DOCK1: variants seen among roughly 807,000 people sequenced by gnomAD.
DOCK1 encodes dedicator of cytokinesis 1.
Under a neutral mutation model 262.7 loss-of-function variants are expected in DOCK1, and 138 were observed. That is an observed-to-expected ratio of 0.53 (90% CI 0.46 to 0.61). DOCK1 has a LOEUF of 0.61. Ranked by LOEUF, DOCK1 falls within the 20% of genes least tolerant of loss-of-function variation. The pLI, the probability that DOCK1 is intolerant of heterozygous loss-of-function variation, is 0.00. For synonymous variants in DOCK1, 866 were observed against 867.4 expected (o/e 1.00, Z 0.03); for missense variants, 1,908 against 2,370.7 (o/e 0.80, Z 4.05).
Position 127,176,102 on chromosome 10 carries a change from G to C in DOCK1, c.2847+48338G>C. On this transcript the variant is annotated intron_variant, in intron 27 of 51. Coordinates refer to ENST00000623213, the MANE Select transcript of DOCK1 (RefSeq NM_001290223.2). The surrounding 1 kb of genome is among the most constrained non-coding windows in gnomAD (Gnocchi z 4.4). ...TCTGCACGCCTGTGCTCTTGGTGAC[G>C]TTGGGGATGGACCTGCGTGCGGGCA... 1 of 1,614,166 alleles carries C rather than the reference G, an allele frequency of 6.2e-7. No individual in the cohort carries two copies. The highest frequency in any genetic ancestry group is 8.5e-7 in the Non-Finnish European group (1 of 1,180,042).
chr10:127,443,009 T>G (rs1565096212), intron 49 of DOCK1, among the ~76,000 whole-genome samples: 1 of 152,118 alleles, frequency 6.6e-6, no homozygotes, highest in Non-Finnish European at 1.5e-5. Context: ...AAACTCATTG[T>G]CTCCCAGTTC....
At chr10:126,945,472 GGA>G (rs1246507350) in intron 1 of DOCK1, among the ~76,000 whole-genome samples, 4,195 of 149,452 alleles carry the variant, frequency 0.028, 74 homozygotes, top group Non-Finnish European at 0.044. Context: ...AGAGAGAGAG[GGA>G]GAGAGAGAGA....
intron 23 of DOCK1, among the ~76,000 whole-genome samples, chr10:127,097,899 G>A (rs1211184162): frequency 1.3e-5 from 2 of 152,170 alleles, no homozygotes; most frequent in African/African-American, 2.4e-5. Context: ...TGGTGTATTC[G>A]TACAGTTTCA....
chr10:126,919,437 A>G (rs567627652), intron 1 of DOCK1, among the ~76,000 whole-genome samples: 1 of 152,248 alleles, frequency 6.6e-6, no homozygotes, highest in Non-Finnish European at 1.5e-5. Context: ...AATTTTTCAA[A>G]GGCAGGAATC....
At chr10:126,997,454 C>T (rs910487460) in intron 7 of DOCK1, among the ~76,000 whole-genome samples, 8 of 151,486 alleles carry the variant, frequency 5.3e-5, no homozygotes, top group African/African-American at 1.9e-4. Context: ...GAAGTGGGAG[C>T]CAACACTTCA....
chr10:127,090,156 A>G (rs953412140), intron 23 of DOCK1, among the ~76,000 whole-genome samples: 10 of 152,074 alleles, frequency 6.6e-5, no homozygotes, highest in Non-Finnish European at 1.3e-4. Context: ...GGCAGGTTCT[A>G]TTAAACCTTG....
chr10:127,429,003 A>ATTGGGATGCCGTGTGGATTGGGG (rs1565085496), intron 47 of DOCK1, among the ~76,000 whole-genome samples: 5 of 35,924 alleles, frequency 1.4e-4, no homozygotes, highest in East Asian at 1.5e-3. Context: ...GTGGATTGGG[A>ATTGGGATGCCGTGTGGATTGGGG]TGCCGTGTGG....
intron 50 of DOCK1, among the ~76,000 whole-genome samples, chr10:127,445,195 T>G (rs1331491468): frequency 6.6e-6 from 1 of 152,070 alleles, no homozygotes; most frequent in African/African-American, 2.4e-5. Context: ...AGGAGAAATC[T>G]TGGCAGGGAG....
intron 1 of DOCK1, among the ~76,000 whole-genome samples, chr10:126,914,078 A>G (rs1002968498): frequency 7.9e-5 from 12 of 152,190 alleles, no homozygotes; most frequent in African/African-American, 1.2e-4. Context: ...TTGGGACTGA[A>G]TCTCTAGCTT....
intron 19 of DOCK1, among the ~76,000 whole-genome samples, chr10:127,041,987 A>G (rs149651717): frequency 1.6e-4 from 24 of 152,326 alleles, no homozygotes; most frequent in Non-Finnish European, 2.8e-4. Context: ...GTAGTGTGAC[A>G]TGCCTTTGAA....
chr10:127,291,064 G>T (rs1432163457), intron 29 of DOCK1, among the ~76,000 whole-genome samples: 1 of 152,144 alleles, frequency 6.6e-6, no homozygotes, highest in African/African-American at 2.4e-5. Flanking sequence ...TTGCATCCTC[G>T]ACTGCTTCAG....
intron 25 of DOCK1, among the ~76,000 whole-genome samples, chr10:127,119,606 G>T (rs986582366): frequency 1.3e-5 from 2 of 152,184 alleles, no homozygotes; most frequent in Admixed American, 6.5e-5. Context: ...GACTATACAA[G>T]ATGAATAGCA....
intron 1 of DOCK1, among the ~76,000 whole-genome samples, chr10:126,948,649 C>T (rs1445166683): frequency 6.6e-6 from 1 of 151,910 alleles, no homozygotes; most frequent in African/African-American, 2.4e-5. Context: ...GTTGCAGGGT[C>T]AGGTATGCTG....
At chr10:127,197,558 A>G (rs2057261057) in intron 27 of DOCK1, among the ~76,000 whole-genome samples, 1 of 152,200 alleles carries the variant, frequency 6.6e-6, no homozygotes, top group Non-Finnish European at 1.5e-5. Flanking sequence ...AGCCACATTT[A>G]TTAGTCTGTT....
At chr10:127,320,290 C>G (rs2062461025) in intron 29 of DOCK1, among the ~76,000 whole-genome samples, 1 of 152,042 alleles carries the variant, frequency 6.6e-6, no homozygotes, top group Non-Finnish European at 1.5e-5. Context: ...AGATGTGGAG[C>G]TGGTTTAAAA....
At chr10:127,291,049 G>T (rs2061330320) in intron 29 of DOCK1, among the ~76,000 whole-genome samples, 1 of 152,156 alleles carries the variant, frequency 6.6e-6, no homozygotes, top group Non-Finnish European at 1.5e-5. Context: ...AGGACAGCTG[G>T]GGCTTTGCAT....
intron 27 of DOCK1, chr10:127,137,219 G>A (rs11595374): frequency 0.28 from 43,135 of 152,408 alleles, 6,373 homozygotes; most frequent in South Asian, 0.35. Context: ...TTGAGGTGTC[G>A]TTGTGACACT....
At chr10:127,195,717 C>T (rs2057076938) in intron 27 of DOCK1, among the ~76,000 whole-genome samples, 1 of 152,238 alleles carries the variant, frequency 6.6e-6, no homozygotes, top group African/African-American at 2.4e-5. Context: ...CAGCCCCGCT[C>T]CTCCCTGACG....
intron 27 of DOCK1, among the ~76,000 whole-genome samples, chr10:127,226,889 G>A (rs543627751): frequency 3.9e-5 from 6 of 152,168 alleles, no homozygotes; most frequent in African/African-American, 7.2e-5. Flanking sequence ...ATGCTATTGC[G>A]TTCCCCACAG....
Sources: gnomAD v4.1 joint callset for allele counts (sites outside exome capture counted in the v4.1 genomes callset) on GRCh38, gnomAD v4.1.1 for gene constraint, Gnocchi (gnomAD v3.1) non-coding constraint, MANE v1.5 for transcripts, NCBI Gene and HGNC (gene_info 2026-07-23, HGNC 2026-07-21) for gene names.